Variants in PCDHAC2 observed in about 807,000 individuals in gnomAD.
PCDHAC2 encodes the protein protocadherin alpha-C2.
Under a neutral mutation model 63.3 loss-of-function variants are expected in PCDHAC2, and 24 were observed. That is an observed-to-expected ratio of 0.38 (90% CI 0.27 to 0.53). The LOEUF is 0.53. PCDHAC2 is among the 20% of genes least tolerant of loss of function. The pLI is 0.81. For missense variants in PCDHAC2, 1,181 were observed against 1,275.2 expected (o/e 0.93, Z 1.12); for synonymous variants, 569 against 529.4 (o/e 1.07, Z -1.03).
rs1290626143 is a variant in PCDHAC2 at position 141,010,228 on chromosome 5, C to G, written c.*291C>G. On this transcript the variant is annotated 3_prime_UTR_variant, in exon 4 of 4. Transcript: ENST00000289269. ...CCGCAAAGGAGAGGCTTCCCAGCCC[C>G]GCCAGTGAGAGGTTGGACTCTCTGC... The G allele has an allele frequency of 1.1e-5, 17 of 1,551,916 alleles. No individual in the cohort carries two copies. Among genetic ancestry groups the G allele is most frequent in the Non-Finnish European group, 1.5e-5 (17 of 1,147,054 alleles).
At position 140,967,939 on chromosome 5, in the gene PCDHAC2, C is replaced by T; in HGVS notation, c.1173C>T (p.Asp391=). 6.2e-7 allele frequency: 1 copy of T among 1,614,188 alleles called. No homozygotes were observed. Among genetic ancestry groups the T allele is most frequent in the Non-Finnish European group, 8.5e-7 (1 of 1,180,036 alleles). ...TTGTGGCCGTTCTCAGTGTCAATGA[C>T]CAAGACTCAGGCCCCAACCGGAAAG... ...NTIVAVLSVN[D]QDSGPNRKVS... Residue 391 remains aspartate, a synonymous_variant, in exon 1 of 4, where the codon GAC becomes GAT. Transcript: ENST00000289269.
chr5:141,010,096 A>G lies in PCDHAC2; in HGVS notation c.*159A>G. The G allele has an allele frequency of 6.2e-7, 1 of 1,612,840 alleles. No individual in the cohort carries two copies. Among genetic ancestry groups the G allele is most frequent in the Non-Finnish European group, 8.5e-7 (1 of 1,179,378 alleles). ...CCTGTGTCTGTCTAGAACGCATTTA[A>G]CAGGTTTTGTCGTAAAAGCTTTACT... On this transcript the variant is annotated 3_prime_UTR_variant, in exon 4 of 4. Transcript: ENST00000289269.
At chr5:140,982,092 G>A (rs984553109) in intron 2 of PCDHAC2, among the ~76,000 whole-genome samples, 1 of 152,218 alleles carries the variant, frequency 6.6e-6, no homozygotes, top group African/African-American at 2.4e-5. Context: ...CTAGGAACAA[G>A]AGAACCTGCA....
intron 3 of PCDHAC2, among the ~76,000 whole-genome samples, chr5:141,002,946 G>A (rs2098104148): frequency 6.6e-6 from 1 of 152,180 alleles, no homozygotes; most frequent in African/African-American, 2.4e-5. Flanking sequence ...TCCAGCACAT[G>A]CCCCTCTGAG....
In PCDHAC2 at chr5:140,967,562, C is replaced by T; in HGVS notation, c.796C>T (p.Leu266=). The T allele has an allele frequency of 6.2e-7, 1 of 1,614,064 alleles. No individual in the cohort carries two copies. The highest frequency in any genetic ancestry group is 8.5e-7 in the Non-Finnish European group (1 of 1,179,990). Residue 266 remains leucine (L), a synonymous_variant, in exon 1 of 4, where the codon CTA becomes TTA. Coordinates refer to ENST00000289269, the MANE Select transcript of PCDHAC2 (RefSeq NM_018899.6). ...AFDQSTYRVQ[L]REDSPPGTLV... is the part of the protein sequence containing the mutation. ...TGACCAGTCCACTTATCGCGTCCAG[C>T]TACGGGAGGACTCACCCCCAGGCAC...
chr5:141,000,027 A>G (rs782393146), intron 3 of PCDHAC2, among the ~76,000 whole-genome samples: 4 of 152,048 alleles, frequency 2.6e-5, no homozygotes, highest in Non-Finnish European at 5.9e-5. Flanking sequence ...TAAGCCTGAC[A>G]TCCAATCACA....
Position 140,968,017 on chromosome 5 carries a change from C to T in PCDHAC2, c.1251C>T (p.Asn417=), listed in dbSNP as rs782195997. The T allele has an allele frequency of 1.2e-6, 2 of 1,614,216 alleles. No homozygotes were observed. Among genetic ancestry groups the T allele is most frequent in the East Asian group, 2.2e-5 (1 of 44,880 alleles). The change falls in exon 1 of 4, where the codon AAC becomes AAT. Residue 417 remains asparagine, a synonymous_variant. Transcript: ENST00000289269. Reference sequence around the variant, plus strand: ...CTTTCCGACTGAATGGCTTTGGAAACTCCTATACACTGGTGGTGAGCGGCC... The same window carrying T: ...CTTTCCGACTGAATGGCTTTGGAAATTCCTATACACTGGTGGTGAGCGGCC... The part of the protein sequence containing the change: ...TLPFRLNGFG[N]SYTLVVSGPL...
chr5:140,988,623 T>C (rs147544785), intron 3 of PCDHAC2, among the ~76,000 whole-genome samples: 188 of 152,312 alleles, frequency 1.2e-3, no homozygotes, highest in African/African-American at 3.6e-3. Context: ...AGAATGGAGA[T>C]GTCCTGGTTT....
In PCDHAC2 at chr5:141,010,089, G is replaced by A. The variant is rs1588251277; in HGVS notation, c.*152G>A. 3.7e-6 allele frequency: 6 copies of A among 1,612,294 alleles called. No individual in the cohort carries two copies. The highest frequency in any genetic ancestry group is 5.1e-6 in the Non-Finnish European group (6 of 1,179,138). ...AAAGTTCCCTGTGTCTGTCTAGAAC[G>A]CATTTAACAGGTTTTGTCGTAAAAG... On this transcript the variant is annotated 3_prime_UTR_variant, in exon 4 of 4. Transcript: ENST00000289269.
intron 3 of PCDHAC2, among the ~76,000 whole-genome samples, chr5:141,007,379 C>G (rs1178671835): frequency 7.1e-6 from 1 of 139,926 alleles, no homozygotes; most frequent in Non-Finnish European, 1.5e-5. Flanking sequence ...GATGGAACAC[C>G]ATCTCTACTA....
In PCDHAC2 at chr5:140,967,775, G is replaced by A; in HGVS notation, c.1009G>A (p.Ala337Thr). 1.2e-6 allele frequency: 2 copies of A among 1,614,200 alleles called. No individual in the cohort carries two copies. The highest frequency in any genetic ancestry group is 2.2e-5 in the South Asian group (2 of 91,086). Residue 337 changes from alanine to threonine, a missense_variant, in exon 1 of 4, where the codon GCG becomes ACG. Transcript: ENST00000289269. Reference protein sequence around the residue: ...EASSYQIYVQATDRGPVPMAG... With the variant: ...EASSYQIYVQTTDRGPVPMAG... ...CTCCTCCTACCAGATCTATGTGCAG[G>A]CGACTGACCGGGGTCCAGTGCCCAT...
chr5:140,969,921 G>A (rs1417032241), intron 1 of PCDHAC2, among the ~76,000 whole-genome samples: 2 of 152,198 alleles, frequency 1.3e-5, no homozygotes, highest in African/African-American at 2.4e-5. Flanking sequence ...TAAAGCTGTA[G>A]TATTTAGACA....
intron 1 of PCDHAC2, among the ~76,000 whole-genome samples, chr5:140,973,451 G>A (rs1317548382): frequency 2.0e-5 from 3 of 152,172 alleles, no homozygotes; most frequent in African/African-American, 7.2e-5. Context: ...TATAATGACT[G>A]GGGCTGTTTT....
Position 141,011,828 on chromosome 5 carries a change from T to C in PCDHAC2, c.*1891T>C, listed in dbSNP as rs76856184. The C allele has an allele frequency of 2.5e-3, 389 of 153,920 alleles. 1 individual carries two copies. Among genetic ancestry groups the C allele is most frequent in the African/African-American group, 9.1e-3 (378 of 41,598 alleles). The allele number at this position is 153,920 out of a possible 1,614,324, so 9.5% of individuals were successfully genotyped here. ...GCTCATAGAAAGTAACAAAATTTGC[T>C]GTCACCTTAAATAAGACATTTTAAT... On this transcript the variant is annotated 3_prime_UTR_variant, in exon 4 of 4. Transcript: ENST00000289269.
intron 3 of PCDHAC2, among the ~76,000 whole-genome samples, chr5:141,004,550 G>A (rs1554259606): frequency 6.6e-6 from 1 of 152,222 alleles, no homozygotes; most frequent in African/African-American, 2.4e-5. Flanking sequence ...TCCTTTAACT[G>A]TGCAAGATGA....
At chr5:140,970,567 T>G (rs558796957) in intron 1 of PCDHAC2, among the ~76,000 whole-genome samples, 7 of 152,284 alleles carry the variant, frequency 4.6e-5, no homozygotes, top group African/African-American at 1.7e-4. Context: ...TCCATATGTA[T>G]GCTTGAAATA....
chr5:140,966,731 G>A lies in PCDHAC2; in HGVS notation c.-36G>A. On this transcript the variant is annotated 5_prime_UTR_variant, in exon 1 of 4. Coordinates refer to ENST00000289269, the MANE Select transcript of PCDHAC2 (RefSeq NM_018899.6). Reference sequence around the variant, plus strand: ...CACGGCTGGGGAAGCTGCCGCCTCCGGCCCTGCCCGGCTGCCTCCGCCGCG... The same window carrying A: ...CACGGCTGGGGAAGCTGCCGCCTCCAGCCCTGCCCGGCTGCCTCCGCCGCG... 1 of 1,405,136 alleles carries A rather than the reference G, an allele frequency of 7.1e-7. No individual in the cohort carries two copies. The highest frequency in any genetic ancestry group is 9.2e-7 in the Non-Finnish European group (1 of 1,086,644). The allele number at this position is 1,405,136 out of a possible 1,614,324, so 87.0% of individuals were successfully genotyped here. A position where few individuals can be genotyped will look rare whatever the true frequency, so the allele number is the denominator to read the frequency against.
intron 3 of PCDHAC2, among the ~76,000 whole-genome samples, chr5:140,992,500 A>C (rs1205902091): frequency 6.6e-6 from 1 of 152,222 alleles, no homozygotes; most frequent in Non-Finnish European, 1.5e-5. Context: ...GTAAGGATTC[A>C]ATCCTGGGGC....
intron 1 of PCDHAC2, among the ~76,000 whole-genome samples, chr5:140,972,018 A>G (rs2096514313): frequency 6.6e-6 from 1 of 152,162 alleles, no homozygotes; most frequent in Non-Finnish European, 1.5e-5. Flanking sequence ...TTTATATGGG[A>G]TATTCAGGCA....
Sources: gnomAD v4.1 joint callset for allele counts (sites outside exome capture counted in the v4.1 genomes callset) on GRCh38, gnomAD v4.1.1 for gene constraint, MANE v1.5 for transcripts, NCBI Gene and HGNC (gene_info 2026-07-23, HGNC 2026-07-21) for gene names.